The following GLIS3 variants were observed in gnomAD, a reference collection of about 807,000 sequenced individuals.
The protein encoded by GLIS3 is GLIS family zinc finger 3.
Under a neutral mutation model 78.6 loss-of-function variants are expected in GLIS3, and 53 were observed. The observed-to-expected ratio is 0.67, with a 90% CI of 0.54 to 0.85. The LOEUF is 0.85. Among genes scored for constraint, GLIS3 ranks in the 40% least tolerant of loss-of-function variants. GLIS3 has a pLI of 0.00. For missense variants in GLIS3, 1,703 were observed against 1,231.1 expected (o/e 1.38, Z -5.74); for synonymous variants, 684 against 509.9 (o/e 1.34, Z -4.60).
intron 4 of GLIS3, among the ~76,000 whole-genome samples, chr9:4,042,655 ACAT>A (rs1824917818): frequency 1.3e-5 from 2 of 152,316 alleles, no homozygotes; most frequent in African/African-American, 4.8e-5. Context: ...TGGTTAATTA[ACAT>A]CATGCTGCAA....
chr9:4,363,983 T>C, the GLIS3 span, among the ~76,000 whole-genome samples: 5 of 152,334 alleles, frequency 3.3e-5, no homozygotes, highest in South Asian at 4.2e-4. Flanking sequence ...TCGCAATCTT[T>C]GGCCTAAATT....
chr9:4,180,271 C>T (rs999973303), intron 2 of GLIS3, among the ~76,000 whole-genome samples: 1 of 152,132 alleles, frequency 6.6e-6, no homozygotes, highest in South Asian at 2.1e-4. Context: ...AAAGCTACTC[C>T]GGTCCTAGGT....
chr9:4,421,731 T>A, the GLIS3 span, among the ~76,000 whole-genome samples: 1 of 152,198 alleles, frequency 6.6e-6, no homozygotes, highest in Non-Finnish European at 1.5e-5. Flanking sequence ...CACAGAAAAG[T>A]CCCTTCCTTT....
the GLIS3 span, among the ~76,000 whole-genome samples, chr9:4,487,167 T>G: frequency 1.3e-5 from 2 of 152,080 alleles, no homozygotes; most frequent in Non-Finnish European, 2.9e-5. Flanking sequence ...GCCTGGCTAA[T>G]TTTTGTATTT....
At chr9:4,201,216 C>G (rs577959146) in intron 2 of GLIS3, among the ~76,000 whole-genome samples, 1 of 152,328 alleles carries the variant, frequency 6.6e-6, no homozygotes, top group South Asian at 2.1e-4. Flanking sequence ...TACAAACTCA[C>G]AGCCAATATC....
intron 4 of GLIS3, among the ~76,000 whole-genome samples, chr9:3,953,816 T>G (rs1816895069): frequency 1.5e-5 from 2 of 135,816 alleles, no homozygotes; most frequent in African/African-American, 5.4e-5. Flanking sequence ...TATATATATA[T>G]ATATATCTTC....
chr9:4,339,088 C>G (rs1248587587), intron 2 of GLIS3, among the ~76,000 whole-genome samples: 1 of 152,184 alleles, frequency 6.6e-6, no homozygotes. Context: ...ACTGTCCATA[C>G]AACACTACCT....
At chr9:4,397,699 AGG>A in the GLIS3 span, among the ~76,000 whole-genome samples, 2 of 42,596 alleles carry the variant, frequency 4.7e-5, no homozygotes, top group African/African-American at 2.3e-4. Flanking sequence ...GGAGGGAGGG[AGG>A]GAGGAAGGCA....
At chr9:3,908,729 G>GTTTTTTTT (rs1823918065) in intron 6 of GLIS3, among the ~76,000 whole-genome samples, 1 of 40,774 alleles carries the variant, frequency 2.5e-5, no homozygotes, top group Non-Finnish European at 4.8e-5. Context: ...TTTTTTTTTT[G>GTTTTTTTT]TACAGGATTA....
At chr9:4,071,250 A>ATC (rs1827579794) in intron 4 of GLIS3, 1 of 152,316 alleles carries the variant, frequency 6.6e-6, no homozygotes, top group East Asian at 1.9e-4. Context: ...ACTGTTATGT[A>ATC]ACCATTGGGC....
chr9:4,477,368 G>A, the GLIS3 span, among the ~76,000 whole-genome samples: 1 of 150,942 alleles, frequency 6.6e-6, no homozygotes, highest in Non-Finnish European at 1.5e-5. Context: ...GAGTTAGAGT[G>A]GGGTGGGGGT....
At chr9:4,110,407 C>T (rs1831114051) in intron 4 of GLIS3, among the ~76,000 whole-genome samples, 1 of 152,156 alleles carries the variant, frequency 6.6e-6, no homozygotes, top group African/African-American at 2.4e-5. Context: ...ACTTTTTAAA[C>T]TAATCATTTA....
chr9:4,079,531 G>C (rs1418408007), intron 4 of GLIS3, among the ~76,000 whole-genome samples: 3 of 152,158 alleles, frequency 2.0e-5, no homozygotes, highest in East Asian at 3.9e-4. Context: ...TGTCATCAGC[G>C]GAGGTCAGAG....
rs116034119 is a variant in GLIS3, at chr9:4,141,067, A to T, written c.389-15126T>A. Among the ~76,000 whole-genome samples the T allele has an allele frequency of 6.1e-3, 929 of 152,162 alleles. 10 individuals carry two copies. Among genetic ancestry groups the T allele is most frequent in the African/African-American group, 0.022 (898 of 41,534 alleles). ...CACCCTCCTCGTCCTCCCAAAGTTC[A>T]GAGATTATAGGTGTGAGCCACCGTG... On this transcript the variant is annotated intron_variant, in intron 2 of 10. Transcript: ENST00000381971.
chr9:4,398,214 G>A, the GLIS3 span, among the ~76,000 whole-genome samples: 1 of 136,716 alleles, frequency 7.3e-6, no homozygotes, highest in African/African-American at 2.8e-5. Context: ...AATTGCTGAG[G>A]CATATTTTTT....
At chr9:3,902,656 G>C (rs1217839536) in intron 6 of GLIS3, among the ~76,000 whole-genome samples, 1 of 152,130 alleles carries the variant, frequency 6.6e-6, no homozygotes, top group East Asian at 1.9e-4. Flanking sequence ...TCATTCAGTA[G>C]GTCTGCGATG....
chr9:4,173,104 T>A (rs1816512937), intron 2 of GLIS3, among the ~76,000 whole-genome samples: 1 of 152,188 alleles, frequency 6.6e-6, no homozygotes, highest in Admixed American at 6.5e-5. Context: ...TAAATCTTTC[T>A]ACGTATCAAT....
chr9:4,384,722 TA>T, the GLIS3 span, among the ~76,000 whole-genome samples: 2 of 152,106 alleles, frequency 1.3e-5, no homozygotes, highest in African/African-American at 4.8e-5. Flanking sequence ...ATTTCCTTTT[TA>T]AAAATTTCCT....
intron 4 of GLIS3, chr9:4,071,291 G>C (rs971494627): frequency 1.3e-5 from 2 of 151,972 alleles, no homozygotes; most frequent in Non-Finnish European, 2.9e-5. Context: ...CTCATAAGTA[G>C]ATGTCCTTAA....
Sources: gnomAD v4.1 joint callset for allele counts (sites outside exome capture counted in the v4.1 genomes callset) on GRCh38, gnomAD v4.1.1 for gene constraint, MANE v1.5 for transcripts, NCBI Gene and HGNC (gene_info 2026-07-23, HGNC 2026-07-21) for gene names.